Variants in WDR27 observed in about 807,000 individuals in gnomAD.
The protein encoded by WDR27 is WD repeat-containing protein 27.
WDR27 carries 100 observed loss-of-function variants against 114.4 expected under a neutral mutation model. That is an observed-to-expected ratio of 0.87 (90% CI 0.74 to 1.03). WDR27 has a LOEUF of 1.03. Among genes scored for constraint, WDR27 ranks in the 50% least tolerant of loss-of-function variants. The pLI is 0.00. For synonymous variants in WDR27, 449 were observed against 423.1 expected, an observed-to-expected ratio of 1.06 and a Z score of -0.75; for missense variants, 1,129 against 1,092.9, an observed-to-expected ratio of 1.03 and a Z score of -0.47.
intron 25 of WDR27, chr6:169,559,014 A>C (rs902777810): frequency 6.6e-6 from 1 of 152,212 alleles, no homozygotes. Flanking sequence ...ACAGGCTTGG[A>C]TCGTTTACAG....
chr6:169,673,903 GC>G (rs1779428676), intron 2 of WDR27, among the ~76,000 whole-genome samples: 1 of 152,320 alleles, frequency 6.6e-6, no homozygotes, highest in Non-Finnish European at 1.5e-5. Flanking sequence ...TGAGCATGCT[GC>G]TAAACCCCCT....
intron 25 of WDR27, among the ~76,000 whole-genome samples, chr6:169,515,860 G>C (rs985769207): frequency 6.6e-6 from 1 of 150,728 alleles, no homozygotes; most frequent in Admixed American, 6.6e-5. Context: ...AATTTTAAAA[G>C]ATACATAAGA....
intron 25 of WDR27, among the ~76,000 whole-genome samples, chr6:169,498,590 G>A (rs1790702183): frequency 6.6e-6 from 1 of 152,112 alleles, no homozygotes; most frequent in African/African-American, 2.4e-5. Context: ...GCATAAACGG[G>A]AAAATAAATA....
chr6:169,446,277 C>T, the WDR27 span, among the ~76,000 whole-genome samples: 4 of 151,982 alleles, frequency 2.6e-5, no homozygotes, highest in Non-Finnish European at 5.9e-5. Context: ...GCACCCAGGT[C>T]AGAGGCAGGG....
intron 25 of WDR27, among the ~76,000 whole-genome samples, chr6:169,464,990 C>T (rs1025770433): frequency 5.3e-5 from 8 of 151,602 alleles, no homozygotes; most frequent in African/African-American, 1.5e-4. Context: ...GGTGTGGGGG[C>T]GCATGCCTGT....
At chr6:169,435,998 T>C in the WDR27 span, among the ~76,000 whole-genome samples, 1 of 152,242 alleles carries the variant, frequency 6.6e-6, no homozygotes, top group Non-Finnish European at 1.5e-5. Context: ...TCATAATTAA[T>C]TTTTAAATAA....
At chr6:169,558,923 C>A (rs1054908156) in intron 25 of WDR27, 5 of 152,166 alleles carry the variant, frequency 3.3e-5, no homozygotes, top group Admixed American at 2.0e-4. Flanking sequence ...TGGAATAAAC[C>A]AGCTATTACT....
intron 22 of WDR27, among the ~76,000 whole-genome samples, chr6:169,605,108 C>CAAAAAAAAAAAA (rs59884264): frequency 1.3e-4 from 10 of 76,202 alleles, no homozygotes; most frequent in Admixed American, 6.7e-4. Flanking sequence ...AGCAATTAGG[C>CAAAAAAAAAAAA]AAAAAAAAAA....
chr6:169,491,692 G>A (rs1213497094), intron 25 of WDR27, among the ~76,000 whole-genome samples: 2 of 152,106 alleles, frequency 1.3e-5, no homozygotes, highest in Non-Finnish European at 2.9e-5. Flanking sequence ...GGCTGGCAGG[G>A]CTCCACTGCT....
At chr6:169,503,563 G>A (rs539286710) in intron 25 of WDR27, among the ~76,000 whole-genome samples, 218 of 152,244 alleles carry the variant, frequency 1.4e-3, no homozygotes, top group Non-Finnish European at 2.8e-3. Flanking sequence ...TCATCTACTG[G>A]TTCATTAGAT....
chr6:169,500,907 G>A (rs1290607419), intron 25 of WDR27, among the ~76,000 whole-genome samples: 1 of 152,214 alleles, frequency 6.6e-6, no homozygotes, highest in Non-Finnish European at 1.5e-5. Flanking sequence ...TGCACGACCA[G>A]GCATGCTTAT....
intron 25 of WDR27, among the ~76,000 whole-genome samples, chr6:169,464,863 G>T (rs1294439042): frequency 6.6e-6 from 1 of 152,268 alleles, no homozygotes; most frequent in Non-Finnish European, 1.5e-5. Flanking sequence ...GCCCATGCCT[G>T]TAATCCCAGC....
At chr6:169,502,631 T>G (rs1470052150) in intron 25 of WDR27, among the ~76,000 whole-genome samples, 1 of 152,108 alleles carries the variant, frequency 6.6e-6, no homozygotes, top group African/African-American at 2.4e-5. Flanking sequence ...TTCTCATCCT[T>G]CGGAGGCGGA....
intron 23 of WDR27, among the ~76,000 whole-genome samples, chr6:169,598,741 G>T (rs949176899): frequency 1.3e-5 from 2 of 152,200 alleles, no homozygotes; most frequent in African/African-American, 4.8e-5. Flanking sequence ...AGGGAAGCGT[G>T]AGGGGTTCCT....
At chr6:169,581,830 T>A (rs137937241) in intron 24 of WDR27, among the ~76,000 whole-genome samples, 1 of 152,284 alleles carries the variant, frequency 6.6e-6, no homozygotes, top group African/African-American at 2.4e-5. Context: ...ACAAGACACG[T>A]GTGGAGTGCC....
chr6:169,611,656 T>C (rs1205653539), intron 22 of WDR27, among the ~76,000 whole-genome samples: 1 of 152,232 alleles, frequency 6.6e-6, no homozygotes, highest in Non-Finnish European at 1.5e-5. Context: ...TACATGCTTT[T>C]TTCTATTTTG....
At chr6:169,434,725 C>G in the WDR27 span, among the ~76,000 whole-genome samples, 1 of 152,116 alleles carries the variant, frequency 6.6e-6, no homozygotes, top group Non-Finnish European at 1.5e-5. Context: ...GACTTGTGTG[C>G]TGTTAAAGGC....
chr6:169,577,586 C>T (rs980543533), intron 24 of WDR27, among the ~76,000 whole-genome samples: 2 of 152,158 alleles, frequency 1.3e-5, no homozygotes, highest in Non-Finnish European at 2.9e-5. Flanking sequence ...GACGACGGCG[C>T]CTCCGGAAGC....
chr6:169,576,929 G>C (rs1248567812), intron 24 of WDR27, among the ~76,000 whole-genome samples: 1 of 150,134 alleles, frequency 6.7e-6, no homozygotes, highest in Non-Finnish European at 1.5e-5. Flanking sequence ...TTCCTCAAGA[G>C]TGTGTTTATA....
Sources: gnomAD v4.1 joint callset for allele counts (sites outside exome capture counted in the v4.1 genomes callset) on GRCh38, gnomAD v4.1.1 for gene constraint, MANE v1.5 for transcripts, NCBI Gene and HGNC (gene_info 2026-07-23, HGNC 2026-07-21) for gene names.